NEDD4L: variants seen among roughly 807,000 people sequenced by gnomAD.
The protein encoded by NEDD4L is NEDD4 like E3 ubiquitin protein ligase, also known as E3 ubiquitin-protein ligase NEDD4-like.
Under a neutral mutation model 148.9 loss-of-function variants are expected in NEDD4L, and 54 were observed. The observed-to-expected ratio is 0.36, with a 90% CI of 0.29 to 0.45. The LOEUF (loss-of-function observed/expected upper bound fraction) is 0.45, where lower values mean the gene tolerates loss of function less well. Among genes scored for constraint, NEDD4L ranks in the 20% least tolerant of loss-of-function variants. The probability of loss-of-function intolerance (pLI) is 1.00; values close to 1 mark genes in which losing one functional copy is unlikely to be tolerated. For missense variants in NEDD4L, 856 were observed against 1,233.8 expected, an observed-to-expected ratio of 0.69 and a Z score of 4.59; for synonymous variants, 433 against 440.7, an observed-to-expected ratio of 0.98 and a Z score of 0.22.
At chr18:58,149,878 T>C (rs1442941179) in intron 1 of NEDD4L, among the ~76,000 whole-genome samples, 1 of 152,148 alleles carries the variant, frequency 6.6e-6, no homozygotes. Context: ...ATTTTTCTTA[T>C]TGAGGGAAAA....
intron 1 of NEDD4L, among the ~76,000 whole-genome samples, chr18:58,126,415 ACGTGG>A (rs2031106271): frequency 1.3e-5 from 2 of 152,134 alleles, no homozygotes; most frequent in Non-Finnish European, 2.9e-5. Context: ...GACCCCTTTC[ACGTGG>A]CGTGTTTCCA....
At chr18:58,117,804 G>C (rs2085952121) in intron 1 of NEDD4L, among the ~76,000 whole-genome samples, 1 of 152,132 alleles carries the variant, frequency 6.6e-6, no homozygotes, top group African/African-American at 2.4e-5. Flanking sequence ...CTGCCACAGT[G>C]TCTTTGTAGT....
intron 2 of NEDD4L, among the ~76,000 whole-genome samples, chr18:58,227,045 G>A (rs1177128664): frequency 6.6e-6 from 1 of 152,214 alleles, no homozygotes; most frequent in Non-Finnish European, 1.5e-5. Flanking sequence ...CTACCCTGCA[G>A]CCTGTATCTG....
chr18:58,368,783 A>C (rs772420352), intron 22 of NEDD4L, among the ~76,000 whole-genome samples: 2 of 151,486 alleles, frequency 1.3e-5, no homozygotes, highest in Non-Finnish European at 3.0e-5. Context: ...GACAGTAAAC[A>C]CTTTTTTTCC....
chr18:58,246,512 T>G (rs1421991139), intron 3 of NEDD4L, among the ~76,000 whole-genome samples: 2 of 152,238 alleles, frequency 1.3e-5, no homozygotes, highest in Non-Finnish European at 2.9e-5. Context: ...CCACCCAAGC[T>G]GGAGTGCAGT....
chr18:58,225,761 C>G (rs1263026048), intron 2 of NEDD4L, among the ~76,000 whole-genome samples: 1 of 152,192 alleles, frequency 6.6e-6, no homozygotes, highest in Admixed American at 6.5e-5. Flanking sequence ...CCACCTACCT[C>G]TCTGCTTGCA....
chr18:58,295,511 A>G (rs765281490), intron 5 of NEDD4L, among the ~76,000 whole-genome samples: 5 of 152,332 alleles, frequency 3.3e-5, no homozygotes, highest in Non-Finnish European at 4.4e-5. Context: ...TTAGTTAGTC[A>G]TTCATCTACT....
chr18:58,341,596 G>A (rs1238775284), intron 14 of NEDD4L, 82 bp from the exon 15 acceptor site: 42 of 734,934 alleles, frequency 5.7e-5, no homozygotes, highest in African/African-American at 2.5e-4. Flanking sequence ...TGCTGTTTGC[G>A]TTGTTGTTTG....
At chr18:58,164,903 C>G (rs1321683349) in intron 1 of NEDD4L, among the ~76,000 whole-genome samples, 1 of 152,240 alleles carries the variant, frequency 6.6e-6, no homozygotes, top group Non-Finnish European at 1.5e-5. Flanking sequence ...TACATGTTTT[C>G]CATCCAATTG....
chr18:58,259,006 A>G lies in NEDD4L; in HGVS notation c.297+6952A>G, dbSNP rs143368368. Among the ~76,000 whole-genome samples the G allele has an allele frequency of 2.0e-3, 312 of 152,336 alleles. 2 individuals carry two copies. The highest frequency in any genetic ancestry group is 6.7e-3 in the African/African-American group (278 of 41,586). On this transcript the variant is annotated intron_variant, in intron 5 of 30. Coordinates refer to ENST00000400345, the MANE Select transcript of NEDD4L (RefSeq NM_001144967.3). Reference sequence around the variant, plus strand: ...TTACATTATTAAGTTTACATGAAAAATTAGCTAGAATCTGTTGCAGTTTGG... The same window carrying G: ...TTACATTATTAAGTTTACATGAAAAGTTAGCTAGAATCTGTTGCAGTTTGG...
intron 1 of NEDD4L, among the ~76,000 whole-genome samples, chr18:58,066,387 GTTTTTTTTTTT>G (rs368243667): frequency 1.8e-5 from 2 of 112,106 alleles, no homozygotes; most frequent in Non-Finnish European, 3.5e-5. Context: ...CTCTGTATTA[GTTTTTTTTTTT>G]TTTTTTTTTT....
intron 9 of NEDD4L, among the ~76,000 whole-genome samples, chr18:58,327,784 G>A (rs924803054): frequency 6.6e-6 from 1 of 152,156 alleles, no homozygotes; most frequent in Non-Finnish European, 1.5e-5. Context: ...ATACTGACTT[G>A]TGACATAATT....
At chr18:58,262,194 A>G (rs1444364122) in intron 5 of NEDD4L, among the ~76,000 whole-genome samples, 2 of 152,230 alleles carry the variant, frequency 1.3e-5, no homozygotes, top group Non-Finnish European at 2.9e-5. Flanking sequence ...TGTGTTAAAT[A>G]TTAGCAAAAG....
intron 5 of NEDD4L, among the ~76,000 whole-genome samples, chr18:58,308,191 G>A (rs779832015): frequency 5.9e-5 from 9 of 152,112 alleles, no homozygotes; most frequent in Non-Finnish European, 7.4e-5. Flanking sequence ...GTAAGAAATA[G>A]AATATATGTA....
At chr18:58,245,662 A>G (rs937285801) in intron 3 of NEDD4L, among the ~76,000 whole-genome samples, 154 bp downstream of exon 3, 2 of 147,916 alleles carry the variant, frequency 1.4e-5, no homozygotes, top group African/African-American at 2.5e-5. Flanking sequence ...ATACAAGTGC[A>G]TCACTTTTTC....
intron 5 of NEDD4L, among the ~76,000 whole-genome samples, chr18:58,259,130 T>C (rs1366485573): frequency 6.6e-6 from 1 of 152,242 alleles, no homozygotes; most frequent in Non-Finnish European, 1.5e-5. Flanking sequence ...TTAGACCTTA[T>C]TACAAGATTA....
At chr18:58,300,567 A>T (rs1186759320) in intron 5 of NEDD4L, among the ~76,000 whole-genome samples, 1 of 152,244 alleles carries the variant, frequency 6.6e-6, no homozygotes, top group Non-Finnish European at 1.5e-5. Flanking sequence ...CAGAATACGG[A>T]GCCATGCTCT....
intron 1 of NEDD4L, among the ~76,000 whole-genome samples, chr18:58,111,144 T>G (rs113249327): frequency 5.3e-5 from 8 of 152,212 alleles, no homozygotes; most frequent in Non-Finnish European, 8.8e-5. Context: ...CTCGGCTTAC[T>G]GCAACCTCTG....
In NEDD4L at chr18:58,366,235, A is replaced by G; in HGVS notation, c.2063+7A>G. The G allele has an allele frequency of 2.5e-6, 4 of 1,569,338 alleles. No homozygotes were observed. Among genetic ancestry groups the G allele is most frequent in the Non-Finnish European group, 3.5e-6 (4 of 1,149,110 alleles). On this transcript the variant is annotated splice_region_variant and intron_variant, in intron 21 of 30. Coordinates refer to ENST00000400345, the MANE Select transcript of NEDD4L (RefSeq NM_001144967.3). The surrounding 1 kb of genome is among the most constrained non-coding windows in gnomAD (Gnocchi z 4.2). ...TCTTTGAGTACTCTGCCACGTAAGTATATGGCCACACCCAGTGTGTGTCCC... is the reference window on the plus strand; with the variant it reads ...TCTTTGAGTACTCTGCCACGTAAGTGTATGGCCACACCCAGTGTGTGTCCC...
Sources: gnomAD v4.1 joint callset for allele counts (sites outside exome capture counted in the v4.1 genomes callset) on GRCh38, gnomAD v4.1.1 for gene constraint, Gnocchi (gnomAD v3.1) non-coding constraint, MANE v1.5 for transcripts, NCBI Gene and HGNC (gene_info 2026-07-23, HGNC 2026-07-21) for gene names.